The following FNBP1 variants were observed in gnomAD, a reference collection of about 807,000 sequenced individuals.
FNBP1 encodes the protein formin-binding protein 1.
A neutral mutation model predicts 90.6 loss-of-function variants in FNBP1; 26 were observed. The ratio of observed to expected loss-of-function variants is 0.29; its 90% CI spans 0.21 to 0.40. The LOEUF is 0.40. Ranked by LOEUF, FNBP1 falls within the 10% of genes least tolerant of loss-of-function variation. The pLI is 1.00. For missense variants in FNBP1, 635 were observed against 768.0 expected, an observed-to-expected ratio of 0.83 and a Z score of 2.05; for synonymous variants, 260 against 265.2, an observed-to-expected ratio of 0.98 and a Z score of 0.19.
At chr9:129,967,499 G>A (rs2048799080) in intron 4 of FNBP1, among the ~76,000 whole-genome samples, 1 of 152,110 alleles carries the variant, frequency 6.6e-6, no homozygotes, top group South Asian at 2.1e-4. Flanking sequence ...TGGTGACAGA[G>A]TGAGACTCCG....
chr9:129,890,224 G>A lies in FNBP1; in HGVS notation c.*315C>T, dbSNP rs544825149. ...GCCAGGACGAGCCCGGGTGGACTGAGGGCCCAGGAAGGAGCAGGTAGGGGC... is the reference window on the plus strand; with the variant it reads ...GCCAGGACGAGCCCGGGTGGACTGAAGGCCCAGGAAGGAGCAGGTAGGGGC... On this transcript the variant is annotated 3_prime_UTR_variant, in exon 17 of 17. Coordinates refer to ENST00000446176, the MANE Select transcript of FNBP1 (RefSeq NM_015033.3). This position sits in a 1 kb window ranked among gnomAD's most constrained non-coding sequence, Gnocchi z 5.8. 62 of 469,848 alleles carry A rather than the reference G, an allele frequency of 1.3e-4. No individual in the cohort carries two copies. The highest frequency in any genetic ancestry group is 2.0e-4 in the Non-Finnish European group (54 of 263,682). 29.1% of individuals were successfully genotyped at this position (469,848 alleles called of 1,614,324 possible).
At chr9:130,012,473 G>A (rs181121229) in intron 1 of FNBP1, among the ~76,000 whole-genome samples, 11 of 151,990 alleles carry the variant, frequency 7.2e-5, no homozygotes, top group Admixed American at 2.0e-4. Flanking sequence ...CATATCTATC[G>A]GGAAAAATGA....
chr9:129,899,801 AGGGGAAGGGG>A (rs901385847), intron 15 of FNBP1, among the ~76,000 whole-genome samples, 154 bp downstream of exon 15: 1 of 103,534 alleles, frequency 9.7e-6, no homozygotes, highest in African/African-American at 3.9e-5. Context: ...GAAGGAAGGA[AGGGGAAGGGG>A]AAGGGGAAGG....
chr9:129,888,253 C>T lies in FNBP1; in HGVS notation c.*2286G>A, dbSNP rs1052957338. On this transcript the variant is annotated 3_prime_UTR_variant, in exon 17 of 17. Transcript: ENST00000446176. ...CTGACCCATAATATGAAAGATGTGA[C>T]GCACATGCATTCCCGAGGCTCTAAA... 4 of 232,380 alleles carry T rather than the reference C, an allele frequency of 1.7e-5. No homozygotes were observed. The highest frequency in any genetic ancestry group is 5.6e-5 in the Admixed American group (1 of 17,758). The allele number at this position is 232,380 out of a possible 1,614,324, so 14.4% of individuals were successfully genotyped here.
In FNBP1 at chr9:129,965,795, AGGG is replaced by A. The variant is rs554277932; in HGVS notation, c.346-7245_346-7243del. On this transcript the variant is annotated intron_variant, in intron 4 of 16. Transcript: ENST00000446176. ...AGGGAAGGGAGGGAAGGAGGGAGGG[AGGG>A]GGGAAGGAGGGAGGGAGGGAGGAAG... Among the ~76,000 whole-genome samples, 243 of 122,116 alleles carry A rather than the reference AGGG, an allele frequency of 2.0e-3. 1 individual carries two copies. The highest frequency in any genetic ancestry group is 3.5e-3 in the East Asian group (14 of 3,978). The allele number at this position is 122,116 out of a possible 152,430, so 80.1% of individuals were successfully genotyped here. A position where few individuals can be genotyped will look rare whatever the true frequency, so the allele number is the denominator to read the frequency against.
chr9:130,053,256 G>C, the FNBP1 span, among the ~76,000 whole-genome samples: 1 of 152,152 alleles, frequency 6.6e-6, no homozygotes, highest in Non-Finnish European at 1.5e-5. Context: ...GAGCTTCCGT[G>C]TGATTCCCAG....
At chr9:130,034,129 G>T (rs1362575280) in intron 1 of FNBP1, among the ~76,000 whole-genome samples, 1 of 151,642 alleles carries the variant, frequency 6.6e-6, no homozygotes. Flanking sequence ...AGACCATCCT[G>T]GCTAACACTG....
At chr9:130,034,810 ATGAG>A (rs2059161906) in intron 1 of FNBP1, among the ~76,000 whole-genome samples, 1 of 152,296 alleles carries the variant, frequency 6.6e-6, no homozygotes, top group African/African-American at 2.4e-5. Context: ...ATGGGGAAAT[ATGAG>A]TGAGTGGTGG....
intron 1 of FNBP1, among the ~76,000 whole-genome samples, chr9:130,006,104 C>T (rs2131563425): frequency 6.6e-6 from 1 of 152,276 alleles, no homozygotes; most frequent in Admixed American, 6.5e-5. Flanking sequence ...AAAGGTCTTA[C>T]TGAATTCAAA....
At chr9:129,995,315 T>C (rs2053812829) in intron 1 of FNBP1, among the ~76,000 whole-genome samples, 1 of 152,208 alleles carries the variant, frequency 6.6e-6, no homozygotes, top group South Asian at 2.1e-4. Flanking sequence ...GCACCTTAAC[T>C]GTTATCTCTG....
At position 129,985,547 on chromosome 9, in the gene FNBP1, G is replaced by A. The variant is rs1254645036; in HGVS notation, c.141-6173C>T. ...ATTAAATATAAGCAACATGGCCAGG[G>A]GTGGTGGCCTGTAATCTCAGCAGTT... is the stretch of plus-strand genomic sequence containing the variant. On this transcript the variant is annotated intron_variant, in intron 2 of 16. Transcript: ENST00000446176. Among the ~76,000 whole-genome samples the A allele has an allele frequency of 2.0e-5, 3 of 152,220 alleles. No homozygotes were observed. The East Asian group carries it at 5.8e-4, about 29-fold the overall frequency.
At chr9:129,940,802 T>C (rs2044213590) in intron 6 of FNBP1, among the ~76,000 whole-genome samples, 1 of 151,844 alleles carries the variant, frequency 6.6e-6, no homozygotes, top group African/African-American at 2.4e-5. Context: ...AATTTTTGTA[T>C]TTTTAGTAGA....
chr9:129,912,031 C>G (rs1029679265), intron 11 of FNBP1, among the ~76,000 whole-genome samples: 2 of 151,902 alleles, frequency 1.3e-5, no homozygotes, highest in African/African-American at 2.4e-5. Flanking sequence ...AAGAGAGGGT[C>G]AGGGGAACCC....
intron 7 of FNBP1, among the ~76,000 whole-genome samples, chr9:129,928,591 G>A (rs2042256569): frequency 6.6e-6 from 1 of 151,686 alleles, no homozygotes; most frequent in Admixed American, 6.6e-5. Flanking sequence ...AACCCAGGAG[G>A]TGAAGGTTGC....
intron 6 of FNBP1, among the ~76,000 whole-genome samples, chr9:129,942,197 A>G (rs1265915404): frequency 6.6e-6 from 1 of 152,212 alleles, no homozygotes; most frequent in Non-Finnish European, 1.5e-5. Context: ...ATTTCAAACA[A>G]ATAAAGAAAA....
At chr9:130,016,854 GT>G (rs1386802861) in intron 1 of FNBP1, among the ~76,000 whole-genome samples, 1 of 152,212 alleles carries the variant, frequency 6.6e-6, no homozygotes, top group Non-Finnish European at 1.5e-5. Context: ...CACATACGTA[GT>G]TTATTATGTT....
rs1410080699 is a variant in FNBP1 at position 130,042,419 on chromosome 9, G to C, written c.24+533C>G. Among the ~76,000 whole-genome samples, 1 of 152,046 alleles carries C rather than the reference G, an allele frequency of 6.6e-6. No homozygotes were observed. Among genetic ancestry groups the C allele is most frequent in the Non-Finnish European group, 1.5e-5 (1 of 67,980 alleles). ...CAGAAGTCCTCGCCTCCAGAGCGAAGACCGCACTCTCGCCCCAGCACCCCA... is the reference window on the plus strand; with the variant it reads ...CAGAAGTCCTCGCCTCCAGAGCGAACACCGCACTCTCGCCCCAGCACCCCA... On this transcript the variant is annotated intron_variant, in intron 1 of 16. Transcript: ENST00000446176. This position sits in a 1 kb window ranked among gnomAD's most constrained non-coding sequence, Gnocchi z 5.5.
intron 1 of FNBP1, among the ~76,000 whole-genome samples, chr9:130,033,846 C>CAAAAAAAA (rs36040639): frequency 8.7e-5 from 9 of 103,668 alleles, no homozygotes; most frequent in Non-Finnish European, 1.1e-4. Context: ...ACTAAAAATA[C>CAAAAAAAA]AAAAAAAAAA....
rs183818942 is a variant in FNBP1, at chr9:129,928,896, T to C, written c.642+671A>G. Reference sequence around the variant, plus strand: ...GTTTGAGTCCAGGAATTTGAGACCATCCTGGGCAACACAGCAAGACCCTAT... The same window carrying C: ...GTTTGAGTCCAGGAATTTGAGACCACCCTGGGCAACACAGCAAGACCCTAT... On this transcript the variant is annotated intron_variant, in intron 7 of 16. Transcript: ENST00000446176. 6.2e-3 allele frequency among the ~76,000 whole-genome samples: 940 copies of C among 151,862 alleles called. 7 individuals are homozygous for C. The highest frequency in any genetic ancestry group is 0.021 in the Middle Eastern group (6 of 292).
Sources: gnomAD v4.1 joint callset for allele counts (sites outside exome capture counted in the v4.1 genomes callset) on GRCh38, gnomAD v4.1.1 for gene constraint, Gnocchi (gnomAD v3.1) non-coding constraint, MANE v1.5 for transcripts, NCBI Gene and HGNC (gene_info 2026-07-23, HGNC 2026-07-21) for gene names.